Variants in SRRM3 observed in about 807,000 individuals in gnomAD.
SRRM3 encodes the protein serine/arginine repetitive matrix protein 3.
A neutral mutation model predicts 66.2 loss-of-function variants in SRRM3; 27 were observed. That is an observed-to-expected ratio of 0.41 (90% CI 0.30 to 0.56). SRRM3 has a LOEUF of 0.56. SRRM3 is among the 20% of genes least tolerant of loss of function. The pLI is 0.32. For synonymous variants in SRRM3, 391 were observed against 414.9 expected (o/e 0.94, Z 0.70); for missense variants, 918 against 991.9 (o/e 0.93, Z 1.00).
chr7:76,224,774 G>A (rs781954023), intron 1 of SRRM3, among the ~76,000 whole-genome samples: 22 of 152,064 alleles, frequency 1.4e-4, no homozygotes, highest in Non-Finnish European at 2.4e-4. Flanking sequence ...CACTGTGGCC[G>A]CCCCGATCAG....
At chr7:76,203,989 T>G (rs1205871922) in intron 1 of SRRM3, among the ~76,000 whole-genome samples, 1 of 152,060 alleles carries the variant, frequency 6.6e-6, no homozygotes, top group Non-Finnish European at 1.5e-5. Flanking sequence ...GCGGGGTGCC[T>G]CTACCCCGTC....
At chr7:76,263,065 T>G (rs1801921971) in intron 8 of SRRM3, among the ~76,000 whole-genome samples, 1 of 152,148 alleles carries the variant, frequency 6.6e-6, no homozygotes, top group African/African-American at 2.4e-5. Flanking sequence ...ATGTCCCCAA[T>G]TTTTCATCTT....
At chr7:76,269,873 C>A (rs2117084697) in intron 11 of SRRM3, 1 of 150,888 alleles carries the variant, frequency 6.6e-6, no homozygotes, top group South Asian at 2.1e-4. Flanking sequence ...GGAACCTTTC[C>A]TCTTAATGCA....
intron 10 of SRRM3, among the ~76,000 whole-genome samples, chr7:76,266,264 T>A (rs376841478): frequency 8.1e-4 from 50 of 61,986 alleles, no homozygotes; most frequent in Middle Eastern, 0.012. Context: ...TTTAATATAT[T>A]TATATTTAAT....
intron 14 of SRRM3, among the ~76,000 whole-genome samples, chr7:76,284,583 T>G (rs898614578): frequency 3.1e-4 from 47 of 152,184 alleles, no homozygotes; most frequent in African/African-American, 1.1e-3. Context: ...GCGTCCCCCC[T>G]TCCTTCTGAT....
At chr7:76,265,763 TATATTTA>T (rs1801994960) in intron 10 of SRRM3, among the ~76,000 whole-genome samples, 3 of 138,094 alleles carry the variant, frequency 2.2e-5, no homozygotes, top group South Asian at 4.3e-4. Context: ...TATAATTATA[TATATTTA>T]ATATTTATAT....
intron 1 of SRRM3, among the ~76,000 whole-genome samples, chr7:76,218,199 T>A (rs1554602820): frequency 6.6e-6 from 1 of 152,182 alleles, no homozygotes; most frequent in African/African-American, 2.4e-5. Flanking sequence ...TTCTCCGATT[T>A]CACTGCAGGG....
intron 3 of SRRM3, among the ~76,000 whole-genome samples, chr7:76,258,363 A>G (rs1386195987): frequency 6.6e-6 from 1 of 152,192 alleles, no homozygotes; most frequent in African/African-American, 2.4e-5. Context: ...AAAGACCCAC[A>G]TCATTGAGCC....
intron 11 of SRRM3, among the ~76,000 whole-genome samples, chr7:76,277,612 C>A (rs1802379904): frequency 6.6e-6 from 1 of 151,306 alleles, no homozygotes; most frequent in African/African-American, 2.4e-5. Context: ...GCAGGAGAAT[C>A]ACTTGAACCT....
intron 10 of SRRM3, among the ~76,000 whole-genome samples, chr7:76,266,767 G>T (rs976414411): frequency 5.4e-5 from 8 of 148,722 alleles, no homozygotes; most frequent in African/African-American, 2.0e-4. Flanking sequence ...CCGCCTCCGG[G>T]ATTCAAGCAA....
intron 2 of SRRM3, 139 bp downstream of exon 2, chr7:76,235,438 G>C: frequency 2.6e-6 from 2 of 776,756 alleles, no homozygotes; most frequent in Non-Finnish European, 3.9e-6. Flanking sequence ...GGGCGGAGTC[G>C]GGCGACTGTG....
At chr7:76,217,422 T>A (rs1169144648) in intron 1 of SRRM3, among the ~76,000 whole-genome samples, 1 of 152,132 alleles carries the variant, frequency 6.6e-6, no homozygotes, top group African/African-American at 2.4e-5. Flanking sequence ...GTAGCTGGAA[T>A]TACAGGCGTC....
intron 2 of SRRM3, among the ~76,000 whole-genome samples, chr7:76,244,197 G>A (rs782423968): frequency 5.3e-5 from 8 of 152,116 alleles, no homozygotes; most frequent in Admixed American, 3.3e-4. Context: ...CACAGACTCC[G>A]ACCCTAGCTG....
rs1462065340 is a variant in SRRM3 at position 76,248,061 on chromosome 7, C to T, written c.234-127C>T. The T allele has an allele frequency of 5.9e-6, 4 of 682,510 alleles. No individual in the cohort carries two copies. In the Admixed American group the frequency reaches 8.7e-5, roughly 15 times the overall value. The allele number at this position is 682,510 out of a possible 1,614,324, so 42.3% of individuals were successfully genotyped here. A position where few individuals can be genotyped will look rare whatever the true frequency, so the allele number is the denominator to read the frequency against. On this transcript the variant is annotated intron_variant, in intron 2 of 14. Transcript: ENST00000611745. ...ACCTGGCTTGATCTGTGACCTTGGA[C>T]AGGTTATTGCAAGCCGGAGTGTGCA...
At chr7:76,254,186 G>A (rs1801650350) in intron 3 of SRRM3, among the ~76,000 whole-genome samples, 1 of 151,118 alleles carries the variant, frequency 6.6e-6, no homozygotes. Context: ...TTTGTTTTTT[G>A]GGTTTTTTTT....
At chr7:76,226,586 T>C (rs1800869429) in intron 1 of SRRM3, among the ~76,000 whole-genome samples, 1 of 151,126 alleles carries the variant, frequency 6.6e-6, no homozygotes, top group African/African-American at 2.4e-5. Flanking sequence ...ATTTATTTAT[T>C]TATTTATTTA....
At chr7:76,220,361 G>T (rs1357681383) in intron 1 of SRRM3, among the ~76,000 whole-genome samples, 2 of 152,226 alleles carry the variant, frequency 1.3e-5, no homozygotes, top group Non-Finnish European at 2.9e-5. Flanking sequence ...TGCAGGAAGG[G>T]TAGATGAGGA....
At chr7:76,232,876 A>G (rs1455221939) in intron 1 of SRRM3, among the ~76,000 whole-genome samples, 1 of 151,898 alleles carries the variant, frequency 6.6e-6, no homozygotes, top group African/African-American at 2.4e-5. Context: ...CAAGTTGCCA[A>G]TGGAGGATGA....
rs1238871164 is a variant in SRRM3 at position 76,281,424 on chromosome 7, G to A, written c.1009-17G>A. The A allele has an allele frequency of 2.5e-5, 31 of 1,229,858 alleles. No homozygotes were observed. The highest frequency in any genetic ancestry group is 3.1e-5 in the Non-Finnish European group (30 of 979,878). The allele number at this position is 1,229,858 out of a possible 1,614,324, so 76.2% of individuals were successfully genotyped here. ...CCTCTCCCCCCTCCGTGCCCTGTCT[G>A]CCTCTCTCCCCGTCAGAAGCCCAGC... On this transcript the variant is annotated splice_polypyrimidine_tract_variant and intron_variant, in intron 11 of 14. Transcript: ENST00000611745.
Sources: allele counts gnomAD v4.1 joint callset (sites outside exome capture counted in the v4.1 genomes callset), GRCh38; gene constraint gnomAD v4.1.1; transcripts MANE v1.5; gene names NCBI Gene and HGNC (gene_info 2026-07-23, HGNC 2026-07-21).